Variants in CHIC1 observed in about 807,000 individuals in gnomAD.
The protein encoded by CHIC1 is cysteine-rich hydrophobic domain-containing protein 1.
CHIC1 carries 7 observed loss-of-function variants against 18.5 expected under a neutral mutation model. The observed-to-expected ratio is 0.38, with a 90% CI of 0.22 to 0.71. The LOEUF is 0.71. CHIC1 is among the 30% of genes least tolerant of loss of function. CHIC1 has a pLI of 0.49. For synonymous variants in CHIC1, 77 were observed against 73.5 expected, an observed-to-expected ratio of 1.05 and a Z score of -0.25; for missense variants, 159 against 176.9, an observed-to-expected ratio of 0.90 and a Z score of 0.57.
intron 3 of CHIC1, among the ~76,000 whole-genome samples, chrX:73,601,390 C>T (rs2057648508): frequency 9.4e-6 from 1 of 106,020 alleles, no homozygotes; most frequent in Admixed American, 1.0e-4. Flanking sequence ...CAAACTAGAA[C>T]TCAGGATTAA....
intron 3 of CHIC1, among the ~76,000 whole-genome samples, chrX:73,618,091 G>A (rs924041175): frequency 7.2e-5 from 8 of 111,581 alleles, no homozygotes; most frequent in African/African-American, 2.6e-4. Context: ...GCTCCTGGCT[G>A]GTACTGGGAG....
intron 3 of CHIC1, among the ~76,000 whole-genome samples, chrX:73,650,165 T>C (rs2057908782): frequency 8.9e-6 from 1 of 112,018 alleles, no homozygotes; most frequent in African/African-American, 3.2e-5. Context: ...TACCAGAATC[T>C]CTGGGACACA....
intron 2 of CHIC1, among the ~76,000 whole-genome samples, chrX:73,580,657 TAAAAG>T (rs770851895): frequency 2.7e-5 from 3 of 110,006 alleles, no homozygotes; most frequent in Non-Finnish European, 5.7e-5. Context: ...AGGAAAAAAA[TAAAAG>T]AAAAAAGGTC....
At chrX:73,641,561 T>C (rs147737607) in intron 3 of CHIC1, among the ~76,000 whole-genome samples, 5,177 of 110,374 alleles carry the variant, frequency 0.047, 317 homozygotes, top group African/African-American at 0.16. Context: ...TACATGTGCA[T>C]AATGTGCAGG....
At chrX:73,625,512 G>A (rs753598241) in intron 3 of CHIC1, among the ~76,000 whole-genome samples, 15 of 111,267 alleles carry the variant, frequency 1.3e-4, no homozygotes, top group Non-Finnish European at 2.5e-4. Flanking sequence ...CTGTTTGTTG[G>A]TCACAAAGGA....
At chrX:73,645,517 A>G (rs904886112) in intron 3 of CHIC1, among the ~76,000 whole-genome samples, 27 of 112,076 alleles carry the variant, frequency 2.4e-4, no homozygotes, top group Non-Finnish European at 1.9e-4. Flanking sequence ...ATTAATTTAC[A>G]TTTCTGTCAA....
In CHIC1 at chrX:73,681,070, G is replaced by T; in HGVS notation, c.*65G>T. 1 of 621,650 alleles carries T rather than the reference G, an allele frequency of 1.6e-6. No individual in the cohort carries two copies. Among genetic ancestry groups the T allele is most frequent in the South Asian group, 2.9e-5 (1 of 34,777 alleles). The allele number at this position is 621,650 out of a possible 1,213,427, so 51.2% of individuals were successfully genotyped here. On this transcript the variant is annotated 3_prime_UTR_variant, in exon 6 of 6. Coordinates refer to ENST00000373502, the MANE Select transcript of CHIC1 (RefSeq NM_001039840.4). ...CTACCCTTAGTGCCTTGTAGATTTG[G>T]AATGAAGATGGTCTCCTTTGCTGTG...
intron 3 of CHIC1, among the ~76,000 whole-genome samples, chrX:73,670,929 G>A (rs1569505517): frequency 8.9e-6 from 1 of 111,753 alleles, no homozygotes; most frequent in Admixed American, 9.5e-5. Context: ...TACTTAACAT[G>A]TTTTTTGTCA....
Position 73,686,260 on chromosome X carries a change from C to G in CHIC1, c.*5255C>G, listed in dbSNP as rs1487408470. 7 of 111,223 alleles carry G rather than the reference C, an allele frequency of 6.3e-5. No homozygotes were observed. Among genetic ancestry groups the G allele is most frequent in the African/African-American group, 2.0e-4 (6 of 30,722 alleles). The allele number at this position is 111,223 out of a possible 1,213,427, so 9.2% of individuals were successfully genotyped here. On this transcript the variant is annotated 3_prime_UTR_variant, in exon 6 of 6. Transcript: ENST00000373502. Reference sequence around the variant, plus strand: ...CCCCTCCACAGATTGCTTACCTAGTCTCTAAATAATGAAATGTGTGTGTTT... The same window carrying G: ...CCCCTCCACAGATTGCTTACCTAGTGTCTAAATAATGAAATGTGTGTGTTT...
intron 3 of CHIC1, among the ~76,000 whole-genome samples, chrX:73,600,646 G>A (rs1375958840): frequency 2.8e-5 from 3 of 107,470 alleles, no homozygotes; most frequent in Non-Finnish European, 5.7e-5. Flanking sequence ...TTATTGATTT[G>A]CGTATATTGA....
chrX:73,641,789 A>T (rs1202845473), intron 3 of CHIC1, among the ~76,000 whole-genome samples: 1 of 109,027 alleles, frequency 9.2e-6, no homozygotes, highest in African/African-American at 3.4e-5. Context: ...TGTTCTTGCG[A>T]TGGTTTACTG....
intron 3 of CHIC1, among the ~76,000 whole-genome samples, chrX:73,595,280 C>T (rs910819255): frequency 2.7e-5 from 3 of 110,754 alleles, no homozygotes; most frequent in Non-Finnish European, 5.7e-5. Context: ...CCTATCAACC[C>T]ATCATCTACA....
chrX:73,679,341 C>T lies in CHIC1; in HGVS notation c.523C>T (p.Gln175Ter). The T allele has an allele frequency of 8.7e-7, 1 of 1,153,857 alleles. No individual in the cohort carries two copies. Among genetic ancestry groups the T allele is most frequent in the Non-Finnish European group, 1.2e-6 (1 of 846,058 alleles). Residue 175 changes from glutamine (Q) to a stop codon, truncating the protein, a stop_gained, in exon 4 of 6, where the codon CAG (glutamine) becomes TAG (stop). Transcript: ENST00000373502. LOFTEE classifies it high-confidence loss of function. ...CLNKRTRRSIQKLIEWENNRL... is the reference protein window; with the variant it reads ...CLNKRTRRSI The stretch of plus-strand genomic sequence containing the variant: ...TTTTTCTTAGACCAGAAGATCAATT[C>T]AGAAGTTAATAGAATGGGAAAATAA...
rs778579063 is a variant in CHIC1, at chrX:73,620,777, G to A, written c.507+36205G>A. Among the ~76,000 whole-genome samples, 6 of 111,920 alleles carry A rather than the reference G, an allele frequency of 5.4e-5. No individual in the cohort carries two copies. In the South Asian group the frequency reaches 2.2e-3, roughly 42 times the overall value. On this transcript the variant is annotated intron_variant, in intron 3 of 5. Coordinates refer to ENST00000373502, the MANE Select transcript of CHIC1 (RefSeq NM_001039840.4). ...TTTTAGTCATGAAGTCTTTGCCCAT[G>A]CCTATGTCCTGAATGGTATTGCCTA...
At chrX:73,655,531 T>TATATAC (rs2057942920) in intron 3 of CHIC1, among the ~76,000 whole-genome samples, 2 of 84,727 alleles carry the variant, frequency 2.4e-5, no homozygotes, top group African/African-American at 8.9e-5. Flanking sequence ...ATTGTGTATA[T>TATATAC]ATATATACAT....
intron 3 of CHIC1, among the ~76,000 whole-genome samples, chrX:73,641,861 G>T (rs1427863122): frequency 2.9e-4 from 32 of 111,135 alleles, no homozygotes; most frequent in African/African-American, 6.2e-4. Flanking sequence ...TCATTTTTTA[G>T]GGCTGCATAG....
chrX:73,653,046 C>G (rs191440370), intron 3 of CHIC1, among the ~76,000 whole-genome samples: 285 of 111,809 alleles, frequency 2.5e-3, no homozygotes, highest in Middle Eastern at 9.3e-3. Flanking sequence ...TACTATGCAG[C>G]CATAAAAAGA....
intron 3 of CHIC1, among the ~76,000 whole-genome samples, chrX:73,621,738 T>C (rs1264860170): frequency 1.8e-5 from 2 of 112,161 alleles, no homozygotes; most frequent in African/African-American, 6.5e-5. Context: ...TTATGGTGAA[T>C]AGGAGTTGTG....
intron 3 of CHIC1, among the ~76,000 whole-genome samples, chrX:73,676,490 C>T (rs189784354): frequency 1.8e-5 from 2 of 111,611 alleles, no homozygotes; most frequent in Non-Finnish European, 3.8e-5. Context: ...TTTCGTCTTC[C>T]ATCACTGATA....
Sources: allele counts gnomAD v4.1 joint callset (sites outside exome capture counted in the v4.1 genomes callset), GRCh38; gene constraint gnomAD v4.1.1; transcripts MANE v1.5; gene names NCBI Gene and HGNC (gene_info 2026-07-23, HGNC 2026-07-21).